LRP1B: variants seen among roughly 807,000 people sequenced by gnomAD.
The protein encoded by LRP1B is LDL receptor related protein 1B.
In LRP1B, 217 loss-of-function variants were observed where a neutral mutation model predicts 556.6. The observed-to-expected ratio is 0.39, with a 90% CI of 0.35 to 0.44. The LOEUF (loss-of-function observed/expected upper bound fraction) is 0.44. Among genes scored for constraint, LRP1B ranks in the 20% least tolerant of loss-of-function variants. The pLI, the probability that LRP1B is intolerant of heterozygous loss-of-function variation, is 1.00. For missense variants in LRP1B, 5,053 were observed against 5,620.8 expected, an observed-to-expected ratio of 0.90 and a Z score of 3.23; for synonymous variants, 2,047 against 1,865.8, an observed-to-expected ratio of 1.10 and a Z score of -2.50.
At chr2:141,729,641 G>A (rs532828555) in intron 2 of LRP1B, among the ~76,000 whole-genome samples, 39 of 152,268 alleles carry the variant, frequency 2.6e-4, no homozygotes, top group African/African-American at 9.4e-4. Context: ...CTTGGTGCAG[G>A]CTAGCCTGTG....
intron 87 of LRP1B, among the ~76,000 whole-genome samples, chr2:140,243,215 A>G (rs1681024639): frequency 6.6e-6 from 1 of 151,172 alleles, no homozygotes; most frequent in South Asian, 2.1e-4. Flanking sequence ...GAGATAAATC[A>G]ATATTGAGCA....
intron 3 of LRP1B, among the ~76,000 whole-genome samples, chr2:141,276,239 G>T (rs867203679): frequency 6.6e-6 from 1 of 151,756 alleles, no homozygotes; most frequent in Non-Finnish European, 1.5e-5. Flanking sequence ...TTCCTTCGCA[G>T]CACTTACCAC....
At chr2:140,587,601 C>G (rs1682037137) in intron 43 of LRP1B, among the ~76,000 whole-genome samples, 1 of 151,980 alleles carries the variant, frequency 6.6e-6, no homozygotes, top group South Asian at 2.1e-4. Context: ...AGATGTTGGT[C>G]AAAGGATACA....
At chr2:141,080,036 T>A (rs1699886328) in intron 7 of LRP1B, among the ~76,000 whole-genome samples, 1 of 152,204 alleles carries the variant, frequency 6.6e-6, no homozygotes, top group Non-Finnish European at 1.5e-5. Flanking sequence ...TTGACAAAAA[T>A]CGTTTATTTC....
chr2:140,707,730 CT>C (rs1402106400), intron 37 of LRP1B, among the ~76,000 whole-genome samples: 1 of 152,064 alleles, frequency 6.6e-6, no homozygotes, highest in Non-Finnish European at 1.5e-5. Context: ...TTCACATTTT[CT>C]TTTTCTTCAT....
chr2:140,468,706 G>A (rs190574328), intron 60 of LRP1B, among the ~76,000 whole-genome samples: 4 of 152,348 alleles, frequency 2.6e-5, no homozygotes, highest in Admixed American at 2.6e-4. Context: ...GATTTTATTC[G>A]AGAATATTAA....
At chr2:140,348,267 T>C (rs558237023) in intron 77 of LRP1B, among the ~76,000 whole-genome samples, 1 of 152,158 alleles carries the variant, frequency 6.6e-6, no homozygotes, top group Non-Finnish European at 1.5e-5. Flanking sequence ...CTTTATAATA[T>C]TGAAATATCA....
chr2:141,254,681 T>G (rs1389389385), intron 3 of LRP1B, 40 bp from the exon 4 acceptor site: 1 of 1,453,036 alleles, frequency 6.9e-7, no homozygotes, highest in African/African-American at 1.4e-5. Flanking sequence ...TATTTAACTG[T>G]ATATGTAAAT....
chr2:141,343,977 TC>T (rs1427939669), intron 3 of LRP1B, among the ~76,000 whole-genome samples: 2 of 152,082 alleles, frequency 1.3e-5, no homozygotes, highest in African/African-American at 4.8e-5. Flanking sequence ...TAGAGGAACC[TC>T]CCCATGCCAC....
At chr2:140,624,216 T>C (rs1362237747) in intron 41 of LRP1B, among the ~76,000 whole-genome samples, 2 of 151,954 alleles carry the variant, frequency 1.3e-5, no homozygotes, top group African/African-American at 4.8e-5. Context: ...TTTCTTAATA[T>C]AGTGCCAGGA....
intron 84 of LRP1B, 93 bp from the exon 85 acceptor site, chr2:140,274,691 A>C (rs558720481): frequency 1.0e-6 from 1 of 967,742 alleles, no homozygotes; most frequent in African/African-American, 1.6e-5. Context: ...TTATTACTTA[A>C]AAATAATAGG....
chr2:141,444,994 A>G (rs1169622492), intron 3 of LRP1B, among the ~76,000 whole-genome samples: 4 of 152,126 alleles, frequency 2.6e-5, no homozygotes, highest in Admixed American at 6.5e-5. Flanking sequence ...ATAGTTTCAG[A>G]AGGAATGGTA....
intron 32 of LRP1B, 115 bp from the exon 33 acceptor site, chr2:140,776,353 G>A (rs1300630372): frequency 1.5e-6 from 1 of 645,458 alleles, no homozygotes; most frequent in Non-Finnish European, 2.3e-6. Context: ...TCCAAACTCT[G>A]TTTCTAAGGG....
chr2:141,043,756 A>G (rs1698777466), intron 11 of LRP1B, among the ~76,000 whole-genome samples: 1 of 152,046 alleles, frequency 6.6e-6, no homozygotes, highest in Non-Finnish European at 1.5e-5. Flanking sequence ...GTAAATTATC[A>G]TTTTTATATT....
chr2:140,325,549 T>C (rs977424099), intron 80 of LRP1B, among the ~76,000 whole-genome samples: 1 of 152,136 alleles, frequency 6.6e-6, no homozygotes, highest in Non-Finnish European at 1.5e-5. Flanking sequence ...TGGCCATGTT[T>C]GTTCAAGTCA....
intron 1 of LRP1B, among the ~76,000 whole-genome samples, chr2:141,991,870 G>A (rs549029601): frequency 2.0e-5 from 3 of 152,008 alleles, no homozygotes; most frequent in Non-Finnish European, 2.9e-5. Context: ...CTATTTCTAG[G>A]AAAATGAAGA....
intron 63 of LRP1B, among the ~76,000 whole-genome samples, chr2:140,447,638 C>A (rs1377407836): frequency 6.6e-6 from 1 of 152,126 alleles, no homozygotes; most frequent in Non-Finnish European, 1.5e-5. Context: ...CATGTGTTCA[C>A]TGGGTAGCAT....
At chr2:140,902,180 TATCC>T (rs1694123595) in intron 23 of LRP1B, among the ~76,000 whole-genome samples, 1 of 152,216 alleles carries the variant, frequency 6.6e-6, no homozygotes, top group Non-Finnish European at 1.5e-5. Context: ...TCTTCAATTC[TATCC>T]ATAGACTTCT....
At chr2:141,680,162 T>C (rs1469470433) in intron 2 of LRP1B, among the ~76,000 whole-genome samples, 1 of 152,098 alleles carries the variant, frequency 6.6e-6, no homozygotes, top group Non-Finnish European at 1.5e-5. Context: ...TATTTCATAA[T>C]ATTTTAAACT....
Sources: gnomAD v4.1 joint callset for allele counts (sites outside exome capture counted in the v4.1 genomes callset) on GRCh38, gnomAD v4.1.1 for gene constraint, MANE v1.5 for transcripts, NCBI Gene and HGNC (gene_info 2026-07-23, HGNC 2026-07-21) for gene names.